The following SYN3 variants were observed in gnomAD, a reference collection of about 807,000 sequenced individuals.
SYN3 encodes synapsin III.
Under a neutral mutation model 65.8 loss-of-function variants are expected in SYN3, and 35 were observed. The ratio of observed to expected loss-of-function variants is 0.53; its 90% CI spans 0.41 to 0.70. The LOEUF (loss-of-function observed/expected upper bound fraction) is 0.70, where lower values mean the gene tolerates loss of function less well. SYN3 is among the 30% of genes least tolerant of loss of function. The pLI, the probability that SYN3 is intolerant of heterozygous loss-of-function variation, is 0.00. For missense variants in SYN3, 680 were observed against 749.0 expected (o/e 0.91, Z 1.08); for synonymous variants, 270 against 292.9 (o/e 0.92, Z 0.80).
chr22:33,009,114 T>C (rs241724), intron 1 of SYN3, among the ~76,000 whole-genome samples: 1,545 of 152,126 alleles, frequency 0.01, 22 homozygotes, highest in African/African-American at 0.034. Flanking sequence ...GATGGATAAA[T>C]TGAGAAGTAG....
In SYN3 at chr22:32,823,473, C is replaced by T. The variant is rs115789005; in HGVS notation, c.711+41442G>A. ...TCTCAGAAACCAGGATGCAGTGGGC[C>T]GTCTGTGTCCCAGCCCCAAAGCAGC... On this transcript the variant is annotated intron_variant, in intron 6 of 13. Coordinates refer to ENST00000358763, the MANE Select transcript of SYN3 (RefSeq NM_003490.4). 3.0e-3 allele frequency among the ~76,000 whole-genome samples: 461 copies of T among 152,194 alleles called. 2 individuals carry two copies. Among genetic ancestry groups the T allele is most frequent in the African/African-American group, 0.01 (433 of 41,530 alleles).
At chr22:32,991,434 C>T (rs567278998) in intron 2 of SYN3, among the ~76,000 whole-genome samples, 3 of 151,840 alleles carry the variant, frequency 2.0e-5, no homozygotes, top group African/African-American at 7.3e-5. Flanking sequence ...ATCAATAACT[C>T]GACAACACCA....
chr22:32,922,209 T>C (rs889752020), intron 4 of SYN3, among the ~76,000 whole-genome samples: 4 of 152,222 alleles, frequency 2.6e-5, no homozygotes, highest in African/African-American at 7.2e-5. Flanking sequence ...ATATGGCTTC[T>C]TTAAGCAGCT....
chr22:32,564,961 C>T (rs370789417), intron 7 of SYN3, among the ~76,000 whole-genome samples: 75 of 79,836 alleles, frequency 9.4e-4, no homozygotes, highest in East Asian at 1.9e-3. Context: ...TCCTGGACTG[C>T]ACCCAAACAG....
chr22:32,903,152 G>T (rs2049808304), intron 4 of SYN3, among the ~76,000 whole-genome samples: 2 of 152,084 alleles, frequency 1.3e-5, no homozygotes, highest in African/African-American at 4.8e-5. Context: ...TCTGACTAAA[G>T]GTACACTCCT....
intron 7 of SYN3, among the ~76,000 whole-genome samples, chr22:32,589,206 A>C (rs1157873513): frequency 6.6e-6 from 1 of 152,160 alleles, no homozygotes; most frequent in African/African-American, 2.4e-5. Flanking sequence ...TTTCCCGAAC[A>C]AAGCCAAGAA....
At chr22:32,570,298 G>A (rs1355728779) in intron 7 of SYN3, among the ~76,000 whole-genome samples, 1 of 152,170 alleles carries the variant, frequency 6.6e-6, no homozygotes, top group Non-Finnish European at 1.5e-5. Flanking sequence ...TAGACTCCTT[G>A]TCTGTCTGGC....
At chr22:32,841,957 A>G (rs1420583407) in intron 6 of SYN3, among the ~76,000 whole-genome samples, 1 of 152,222 alleles carries the variant, frequency 6.6e-6, no homozygotes, top group Non-Finnish European at 1.5e-5. Flanking sequence ...CTGGAAGAAC[A>G]TAGCAGGACC....
At chr22:32,728,392 CCA>C (rs973026446) in intron 6 of SYN3, among the ~76,000 whole-genome samples, 1 of 152,226 alleles carries the variant, frequency 6.6e-6, no homozygotes, top group Non-Finnish European at 1.5e-5. Flanking sequence ...TGGGCCCAGC[CCA>C]CATCAGCTCC....
At chr22:32,906,680 C>T (rs777670064) in intron 4 of SYN3, among the ~76,000 whole-genome samples, 4 of 152,002 alleles carry the variant, frequency 2.6e-5, no homozygotes, top group South Asian at 2.1e-4. Context: ...CCGACAGGCC[C>T]GGGTGTGTGA....
At chr22:32,533,725 G>A (rs914864209) in intron 10 of SYN3, 68 bp downstream of exon 10, 2 of 1,106,218 alleles carry the variant, frequency 1.8e-6, no homozygotes. Flanking sequence ...GACCATGCAG[G>A]GATTCCCTCC....
intron 6 of SYN3, among the ~76,000 whole-genome samples, chr22:32,732,054 T>C (rs991648488): frequency 6.6e-6 from 1 of 152,236 alleles, no homozygotes; most frequent in African/African-American, 2.4e-5. Flanking sequence ...TAATGCATGC[T>C]CATTATTATT....
At chr22:32,598,721 G>C (rs1245266427) in intron 6 of SYN3, among the ~76,000 whole-genome samples, 2 of 151,916 alleles carry the variant, frequency 1.3e-5, no homozygotes, top group African/African-American at 4.8e-5. Flanking sequence ...CCTGACCTCA[G>C]GTGATCCGCC....
At chr22:32,648,143 G>A (rs1255672163) in intron 6 of SYN3, among the ~76,000 whole-genome samples, 1 of 152,090 alleles carries the variant, frequency 6.6e-6, no homozygotes, top group Non-Finnish European at 1.5e-5. Flanking sequence ...GGGATTACAG[G>A]AGCCGCTACA....
At chr22:32,557,507 G>T (rs972018410) in intron 7 of SYN3, among the ~76,000 whole-genome samples, 3 of 152,178 alleles carry the variant, frequency 2.0e-5, no homozygotes, top group African/African-American at 7.2e-5. Context: ...GCCAGCAACT[G>T]TACTGCACAG....
chr22:32,974,422 A>G (rs916350127), intron 3 of SYN3, among the ~76,000 whole-genome samples: 26 of 152,260 alleles, frequency 1.7e-4, no homozygotes, highest in African/African-American at 6.3e-4. Flanking sequence ...TTTATCAACC[A>G]TACTTGTTCA....
chr22:32,782,354 C>T (rs1602136990), intron 6 of SYN3, among the ~76,000 whole-genome samples: 2 of 152,016 alleles, frequency 1.3e-5, no homozygotes, highest in South Asian at 4.2e-4. Flanking sequence ...AGGCGTGTGC[C>T]ACCACGCCCA....
At chr22:32,637,060 C>T (rs1342854165) in intron 6 of SYN3, among the ~76,000 whole-genome samples, 1 of 152,164 alleles carries the variant, frequency 6.6e-6, no homozygotes, top group African/African-American at 2.4e-5. Context: ...CTAGAAATGA[C>T]AGCAACAACA....
intron 6 of SYN3, among the ~76,000 whole-genome samples, chr22:32,843,111 A>G (rs1338650988): frequency 2.0e-5 from 3 of 151,950 alleles, no homozygotes; most frequent in East Asian, 3.9e-4. Context: ...AGGATGCAAA[A>G]CTGCTTACAG....
Sources: allele counts gnomAD v4.1 joint callset (sites outside exome capture counted in the v4.1 genomes callset), GRCh38; gene constraint gnomAD v4.1.1; transcripts MANE v1.5; gene names NCBI Gene and HGNC (gene_info 2026-07-23, HGNC 2026-07-21).